CACHD1: variants seen among roughly 807,000 people sequenced by gnomAD.
CACHD1 encodes cache domain containing 1.
CACHD1 carries 71 observed loss-of-function variants against 138.7 expected under a neutral mutation model. The ratio of observed to expected loss-of-function variants is 0.51; its 90% CI spans 0.42 to 0.62. The LOEUF is 0.62. Among genes scored for constraint, CACHD1 ranks in the 20% least tolerant of loss-of-function variants. CACHD1 has a pLI of 0.00. For synonymous variants in CACHD1, 578 were observed against 591.5 expected (o/e 0.98, Z 0.33); for missense variants, 1,389 against 1,625.3 (o/e 0.85, Z 2.50).
intron 4 of CACHD1, chr1:64,613,361 A>G (rs1330159061): frequency 7.1e-6 from 1 of 140,846 alleles, no homozygotes; most frequent in African/African-American, 2.8e-5. Flanking sequence ...TAAAAATATA[A>G]AAATATAAAA....
intron 22 of CACHD1, 115 bp downstream of exon 22, chr1:64,677,126 C>T (rs1228829027): frequency 1.3e-6 from 1 of 774,052 alleles, no homozygotes; most frequent in Non-Finnish European, 2.1e-6. Context: ...TTCCATAAGC[C>T]TTTACCCACC....
chr1:64,606,514 C>T (rs1348004813), intron 4 of CACHD1, among the ~76,000 whole-genome samples: 1 of 152,092 alleles, frequency 6.6e-6, no homozygotes, highest in Non-Finnish European at 1.5e-5. Flanking sequence ...CCTTATTTTA[C>T]TGGCCATTAT....
rs940111706 is a variant in CACHD1, at chr1:64,663,093, C to A, written c.1952-602C>A. Among the ~76,000 whole-genome samples the A allele has an allele frequency of 2.6e-5, 4 of 152,354 alleles. No homozygotes were observed. The South Asian group carries it at 8.3e-4, about 32-fold the overall frequency. On this transcript the variant is annotated intron_variant, in intron 13 of 26. Transcript: ENST00000651257. ...AAATGGCTTTAATCCAGACTGGTTT[C>A]ATGTGTGTCATAAGCTGTCCCCTCA...
chr1:64,683,210 T>C (rs891393949), intron 26 of CACHD1, among the ~76,000 whole-genome samples: 4 of 152,358 alleles, frequency 2.6e-5, no homozygotes, highest in African/African-American at 9.6e-5. Flanking sequence ...ATTTGGGCTT[T>C]GAATGACATT....
intron 4 of CACHD1, among the ~76,000 whole-genome samples, chr1:64,626,165 A>G (rs1038994461): frequency 5.3e-5 from 8 of 152,244 alleles, no homozygotes; most frequent in Admixed American, 6.5e-5. Context: ...TTTATTGACC[A>G]ATGTCTTTAT....
At position 64,673,339 on chromosome 1, in the gene CACHD1, C is replaced by G. The variant is rs1446714363; in HGVS notation, c.2611-9C>G. On this transcript the variant is annotated splice_polypyrimidine_tract_variant and intron_variant, in intron 18 of 26. Coordinates refer to ENST00000651257, the MANE Select transcript of CACHD1 (RefSeq NM_020925.4). ...GGCATATGTCTTCTGTTCTCTTTGG[C>G]CTTGGTAGGAGCCCCTGGTAGCAAA... 2 of 1,613,566 alleles carry G rather than the reference C, an allele frequency of 1.2e-6. No homozygotes were observed. The highest frequency in any genetic ancestry group is 2.2e-5 in the East Asian group (1 of 44,870).
chr1:64,692,233 A>G lies in CACHD1; in HGVS notation c.*672A>G, dbSNP rs370867781. ...AGTGGTTCTTTGATTAAGGAGCTCT[A>G]TTTCTTATTTAACTGATATCCCACT... On this transcript the variant is annotated 3_prime_UTR_variant, in exon 27 of 27. Transcript: ENST00000651257. The G allele has an allele frequency of 4.7e-4, 71 of 152,566 alleles. 1 individual carries two copies. The highest frequency in any genetic ancestry group is 1.6e-3 in the African/African-American group (67 of 41,554). The allele number at this position is 152,566 out of a possible 1,614,324, so 9.5% of individuals were successfully genotyped here. A position where few individuals can be genotyped will look rare whatever the true frequency, so the allele number is the denominator to read the frequency against.
chr1:64,488,458 T>C (rs1035825617), intron 1 of CACHD1, among the ~76,000 whole-genome samples: 1 of 152,206 alleles, frequency 6.6e-6, no homozygotes, highest in Non-Finnish European at 1.5e-5. Flanking sequence ...ATTGTGGTAC[T>C]ATTTTCCAAA....
At chr1:64,559,930 T>G (rs1180809080) in intron 2 of CACHD1, among the ~76,000 whole-genome samples, 1 of 152,190 alleles carries the variant, frequency 6.6e-6, no homozygotes, top group East Asian at 1.9e-4. Flanking sequence ...TTTTGGTAAG[T>G]TGATATTTTA....
intron 1 of CACHD1, among the ~76,000 whole-genome samples, chr1:64,519,854 A>T (rs940856028): frequency 6.6e-6 from 1 of 152,168 alleles, no homozygotes; most frequent in Non-Finnish European, 1.5e-5. Flanking sequence ...GTGAATTTTG[A>T]TAGCTGCCAG....
At chr1:64,559,621 C>A (rs1294869757) in intron 2 of CACHD1, among the ~76,000 whole-genome samples, 1 of 152,002 alleles carries the variant, frequency 6.6e-6, no homozygotes, top group African/African-American at 2.4e-5. Context: ...TATGAACAAA[C>A]CTTCACATGT....
intron 4 of CACHD1, among the ~76,000 whole-genome samples, chr1:64,616,977 CAT>C (rs1386453504): frequency 6.6e-6 from 1 of 151,102 alleles, no homozygotes; most frequent in Non-Finnish European, 1.5e-5. Flanking sequence ...TGTTTTTCAT[CAT>C]TATTGCTTTT....
At chr1:64,599,002 T>C (rs1647188258) in intron 3 of CACHD1, among the ~76,000 whole-genome samples, 1 of 151,394 alleles carries the variant, frequency 6.6e-6, no homozygotes, top group Non-Finnish European at 1.5e-5. Context: ...AGAGCCCCCA[T>C]GAATGGCATT....
chr1:64,555,763 G>C (rs964770041), intron 2 of CACHD1, among the ~76,000 whole-genome samples: 3 of 152,214 alleles, frequency 2.0e-5, no homozygotes, highest in Non-Finnish European at 4.4e-5. Context: ...TTTGGTGTTG[G>C]ATGTGAAGTA....
At chr1:64,568,305 C>T (rs774487744) in intron 2 of CACHD1, among the ~76,000 whole-genome samples, 5 of 152,086 alleles carry the variant, frequency 3.3e-5, no homozygotes, top group South Asian at 2.1e-4. Context: ...TTCTGTCACA[C>T]GGGAGAAGCT....
intron 1 of CACHD1, among the ~76,000 whole-genome samples, chr1:64,504,156 G>A (rs1428962694): frequency 6.6e-6 from 1 of 152,140 alleles, no homozygotes; most frequent in Non-Finnish European, 1.5e-5. Flanking sequence ...AGGCTCCCAA[G>A]TAGCTAGGAC....
chr1:64,505,283 A>G (rs1391969476), intron 1 of CACHD1, among the ~76,000 whole-genome samples: 1 of 152,020 alleles, frequency 6.6e-6, no homozygotes, highest in African/African-American at 2.4e-5. Context: ...GAGCCCCTGT[A>G]CTGGTACCTG....
At chr1:64,683,422 C>T (rs1650253315) in intron 26 of CACHD1, among the ~76,000 whole-genome samples, 1 of 152,162 alleles carries the variant, frequency 6.6e-6, no homozygotes, top group Non-Finnish European at 1.5e-5. Context: ...GAAATAATTT[C>T]TTATTCAGCA....
chr1:64,479,244 T>C (rs577411836), intron 1 of CACHD1, among the ~76,000 whole-genome samples: 14 of 152,350 alleles, frequency 9.2e-5, no homozygotes, highest in African/African-American at 3.4e-4. Flanking sequence ...GAATGTTTAC[T>C]TGGTGCCAGG....
Sources: allele counts gnomAD v4.1 joint callset (sites outside exome capture counted in the v4.1 genomes callset), GRCh38; gene constraint gnomAD v4.1.1; transcripts MANE v1.5; gene names NCBI Gene and HGNC (gene_info 2026-07-23, HGNC 2026-07-21).